MYL11: variants seen among roughly 807,000 people sequenced by gnomAD.
The protein encoded by MYL11 is myosin regulatory light chain 11.
chr16:30,373,419 C>G, the MYL11 span, among the ~76,000 whole-genome samples: 3 of 152,148 alleles, frequency 2.0e-5, no homozygotes, highest in Admixed American at 2.0e-4. Flanking sequence ...CGCGGGGAAA[C>G]CCCGTCTCTA....
the MYL11 span, chr16:30,377,951 A>AC: frequency 7.2e-6 from 11 of 1,520,700 alleles, no homozygotes; most frequent in Non-Finnish European, 9.9e-6. Flanking sequence ...CCCGACCTCC[A>AC]CCCCGGCTCC....
the MYL11 span, chr16:30,376,529 T>A: frequency 6.2e-7 from 1 of 1,613,758 alleles, no homozygotes; most frequent in Non-Finnish European, 8.5e-7. Context: ...AGCTCAAGGG[T>A]GAGTGGAGTG....
the MYL11 span, chr16:30,377,419 T>TA: frequency 2.3e-6 from 1 of 428,212 alleles, no homozygotes; most frequent in South Asian, 8.0e-5. Context: ...TACGAAGGGT[T>TA]AGGCACTGCC....
At chr16:30,376,610 A>AC in the MYL11 span, 4 of 1,613,596 alleles carry the variant, frequency 2.5e-6, 1 homozygote, top group South Asian at 3.3e-5. Flanking sequence ...GTGCCCTCTG[A>AC]CCCCCACAGG....
the MYL11 span, chr16:30,375,965 C>T: frequency 1.3e-6 from 2 of 1,579,982 alleles, no homozygotes; most frequent in Admixed American, 3.5e-5. Flanking sequence ...GCCCTGCTGG[C>T]CCTCTCCCTG....
the MYL11 span, chr16:30,376,449 T>C: frequency 3.1e-6 from 5 of 1,612,976 alleles, no homozygotes; most frequent in South Asian, 2.2e-5. Flanking sequence ...GAATGAGGAG[T>C]TGGATGCCAT....
the MYL11 span, among the ~76,000 whole-genome samples, chr16:30,374,163 A>T: frequency 1.3e-5 from 2 of 151,968 alleles, no homozygotes; most frequent in Non-Finnish European, 2.9e-5. Flanking sequence ...ATACAGAAAA[A>T]AAAAATTAGC....
the MYL11 span, among the ~76,000 whole-genome samples, chr16:30,377,306 C>T: frequency 6.6e-6 from 1 of 152,070 alleles, no homozygotes; most frequent in Non-Finnish European, 1.5e-5. Context: ...TCCCTTGAGC[C>T]CAAGAGTTCC....
chr16:30,373,480 C>T, the MYL11 span, among the ~76,000 whole-genome samples: 3 of 152,146 alleles, frequency 2.0e-5, no homozygotes, highest in Admixed American at 2.0e-4. Flanking sequence ...CCTGTAGTCC[C>T]AGCTACTCGG....
At chr16:30,374,704 G>C in the MYL11 span, 5 of 849,488 alleles carry the variant, frequency 5.9e-6, no homozygotes, top group African/African-American at 8.8e-5. Context: ...GGGCTATTTT[G>C]GTATCTGGGG....
the MYL11 span, among the ~76,000 whole-genome samples, chr16:30,374,063 A>G: frequency 6.6e-6 from 1 of 152,148 alleles, no homozygotes; most frequent in Non-Finnish European, 1.5e-5. Context: ...CTGTAATCCC[A>G]GCACTTTGGG....
the MYL11 span, chr16:30,376,744 C>T: frequency 6.4e-7 from 1 of 1,561,564 alleles, no homozygotes; most frequent in Non-Finnish European, 8.8e-7. Flanking sequence ...CCCACTCCAC[C>T]AGCTGCTCCC....
At chr16:30,374,377 C>G in the MYL11 span, among the ~76,000 whole-genome samples, 1 of 151,926 alleles carries the variant, frequency 6.6e-6, no homozygotes, top group Non-Finnish European at 1.5e-5. Context: ...GAACTCCTGG[C>G]CTCAAGCAAT....
the MYL11 span, chr16:30,374,844 C>T: frequency 3.1e-6 from 5 of 1,613,360 alleles, no homozygotes; most frequent in East Asian, 2.2e-5. Flanking sequence ...CCTTGCCCCC[C>T]GGAGACTGAA....
chr16:30,377,214 C>CA, the MYL11 span, among the ~76,000 whole-genome samples: 8 of 148,320 alleles, frequency 5.4e-5, no homozygotes, highest in Non-Finnish European at 9.0e-5. Context: ...ACTCCGTCTC[C>CA]AAAAAAAAGA....
the MYL11 span, among the ~76,000 whole-genome samples, chr16:30,373,521 G>A: frequency 1.7e-4 from 26 of 151,916 alleles, no homozygotes; most frequent in Admixed American, 6.6e-4. Context: ...ACTTGAACCC[G>A]GGAGGCGGAG....
At chr16:30,374,659 C>T in the MYL11 span, 1 of 575,106 alleles carries the variant, frequency 1.7e-6, no homozygotes, top group South Asian at 2.4e-5. Context: ...GCTCCAGCTG[C>T]TGCCAGCCCT....
chr16:30,375,230 C>T, the MYL11 span, among the ~76,000 whole-genome samples: 1 of 152,124 alleles, frequency 6.6e-6, no homozygotes, highest in East Asian at 1.9e-4. Context: ...CTTTGGGAGG[C>T]CAAGGTGGTT....
the MYL11 span, chr16:30,377,570 G>A: frequency 7.4e-6 from 10 of 1,352,566 alleles, no homozygotes; most frequent in Admixed American, 3.0e-4. Flanking sequence ...GGGGAGGCTG[G>A]GGCTGGCATC....
Sources: gnomAD v4.1 joint callset for allele counts (sites outside exome capture counted in the v4.1 genomes callset) on GRCh38, gnomAD v4.1.1 for gene constraint, MANE v1.5 for transcripts, NCBI Gene and HGNC (gene_info 2026-07-23, HGNC 2026-07-21) for gene names.